SHISA6: variants seen among roughly 807,000 people sequenced by gnomAD.
The protein encoded by SHISA6 is protein shisa-6.
Under a neutral mutation model 47.9 loss-of-function variants are expected in SHISA6, and 22 were observed. That is an observed-to-expected ratio of 0.46 (90% CI 0.33 to 0.66). SHISA6 has a LOEUF of 0.66. SHISA6 is among the 30% of genes least tolerant of loss of function. The probability of loss-of-function intolerance (pLI) is 0.02; values close to 1 mark genes in which losing one functional copy is unlikely to be tolerated. For synonymous variants in SHISA6, 388 were observed against 337.8 expected (o/e 1.15, Z -1.63); for missense variants, 680 against 764.6 (o/e 0.89, Z 1.30).
intron 4 of SHISA6, among the ~76,000 whole-genome samples, chr17:11,553,752 G>A (rs1378663955): frequency 2.0e-5 from 3 of 152,150 alleles, no homozygotes; most frequent in Admixed American, 6.5e-5. Flanking sequence ...CAAGGAGATT[G>A]CAATATTTGG....
chr17:11,351,475 C>G (rs919948077), intron 2 of SHISA6, among the ~76,000 whole-genome samples: 2 of 152,108 alleles, frequency 1.3e-5, no homozygotes, highest in Non-Finnish European at 2.9e-5. Context: ...AGTAAAAATT[C>G]TACTCATCTT....
Position 11,550,556 on chromosome 17 carries a change from C to T in SHISA6, c.896-1340C>T, listed in dbSNP as rs553866394. ...ACAGGGAAGAGGACTTTGGGATACA[C>T]TGGATATGGAGAATGACAGGAGGAA... On this transcript the variant is annotated intron_variant, in intron 3 of 5. Transcript: ENST00000441885. Among the ~76,000 whole-genome samples the T allele has an allele frequency of 5.3e-5, 8 of 152,260 alleles. 1 individual carries two copies. The Middle Eastern group carries it at 0.02, about 388-fold the overall frequency.
chr17:11,334,892 C>T (rs755239527), intron 2 of SHISA6, among the ~76,000 whole-genome samples: 2 of 152,202 alleles, frequency 1.3e-5, no homozygotes, highest in Non-Finnish European at 2.9e-5. Context: ...TATAGGGCCA[C>T]CCATTCCCAT....
intron 3 of SHISA6, among the ~76,000 whole-genome samples, chr17:11,453,659 T>C (rs1263494275): frequency 6.6e-6 from 1 of 152,248 alleles, no homozygotes; most frequent in Non-Finnish European, 1.5e-5. Context: ...TGAAATTTAT[T>C]TTTAAACTTA....
intron 2 of SHISA6, among the ~76,000 whole-genome samples, chr17:11,332,204 G>A (rs111457947): frequency 3.3e-5 from 5 of 150,792 alleles, no homozygotes; most frequent in African/African-American, 7.3e-5. Flanking sequence ...AATGTTACCC[G>A]TCTCATTGGC....
chr17:11,317,044 T>A (rs1910548712), intron 2 of SHISA6, among the ~76,000 whole-genome samples: 1 of 152,146 alleles, frequency 6.6e-6, no homozygotes. Context: ...CTTATTGATA[T>A]TTTTTTCTGG....
intron 2 of SHISA6, among the ~76,000 whole-genome samples, chr17:11,315,438 T>A (rs528709921): frequency 1.1e-3 from 175 of 152,254 alleles, no homozygotes; most frequent in Middle Eastern, 3.4e-3. Context: ...TTTTTTCTTA[T>A]TACATTGATT....
rs145922417 is a variant in SHISA6 at position 11,356,279 on chromosome 17, G to A, written c.800-23135G>A. Among the ~76,000 whole-genome samples, 20 of 152,292 alleles carry A rather than the reference G, an allele frequency of 1.3e-4. 1 individual carries two copies. In the East Asian group the frequency reaches 3.9e-3, roughly 29 times the overall value. The stretch of plus-strand genomic sequence containing the variant: ...ATCCACAAAGCATAAGTTAGAAGCA[G>A]CATGCAGGCTGCCCAAACCCTGGCT... On this transcript the variant is annotated intron_variant, in intron 2 of 5. Coordinates refer to ENST00000441885, the MANE Select transcript of SHISA6 (RefSeq NM_207386.4).
chr17:11,534,846 C>T (rs1247934947), intron 3 of SHISA6, among the ~76,000 whole-genome samples: 2 of 151,916 alleles, frequency 1.3e-5, no homozygotes, highest in South Asian at 2.1e-4. Context: ...AGGAAGGCTA[C>T]GGGCCAGGAG....
chr17:11,315,962 G>A (rs892859770), intron 2 of SHISA6, among the ~76,000 whole-genome samples: 43 of 152,162 alleles, frequency 2.8e-4, no homozygotes, highest in Middle Eastern at 3.4e-3. Flanking sequence ...AATAACAAAA[G>A]TGATATATAT....
chr17:11,516,416 A>G lies in SHISA6; in HGVS notation c.896-35480A>G, dbSNP rs1055105882. ...TTGACAACACACCTAACTTCCTTCA[A>G]CCTTGGTGAGCTCATTCACAGGGGC... On this transcript the variant is annotated intron_variant, in intron 3 of 5. Transcript: ENST00000441885. 2.0e-5 allele frequency among the ~76,000 whole-genome samples: 3 copies of G among 152,104 alleles called. No individual in the cohort carries two copies. The South Asian group carries it at 6.2e-4, about 32-fold the overall frequency.
chr17:11,494,032 C>CT (rs373269725), intron 3 of SHISA6, among the ~76,000 whole-genome samples: 3 of 152,060 alleles, frequency 2.0e-5, no homozygotes, highest in African/African-American at 7.2e-5. Context: ...AAGTCAGGCT[C>CT]TGCAAGCATA....
Position 11,412,901 on chromosome 17 carries a change from A to G in SHISA6, c.895+33392A>G, listed in dbSNP as rs551689052. 2.6e-5 allele frequency among the ~76,000 whole-genome samples: 4 copies of G among 152,244 alleles called. No homozygotes were observed. The South Asian group carries it at 8.3e-4, about 32-fold the overall frequency. Reference sequence around the variant, plus strand: ...TAGAAAGTAGGGCTGTGGCCAGGGCATGCATGCAATAAGTAGGTAGATTAT... The same window carrying G: ...TAGAAAGTAGGGCTGTGGCCAGGGCGTGCATGCAATAAGTAGGTAGATTAT... On this transcript the variant is annotated intron_variant, in intron 3 of 5. Coordinates refer to ENST00000441885, the MANE Select transcript of SHISA6 (RefSeq NM_207386.4).
At chr17:11,338,673 C>G (rs1451524948) in intron 2 of SHISA6, among the ~76,000 whole-genome samples, 1 of 152,036 alleles carries the variant, frequency 6.6e-6, no homozygotes, top group Non-Finnish European at 1.5e-5. Context: ...TCCTCAGCCT[C>G]CCAAAGTGCT....
At chr17:11,456,249 G>GAT (rs1414204308) in intron 3 of SHISA6, among the ~76,000 whole-genome samples, 3 of 152,166 alleles carry the variant, frequency 2.0e-5, no homozygotes, top group Non-Finnish European at 4.4e-5. Context: ...TCTGTTACTT[G>GAT]ATATGGATGG....
chr17:11,355,219 C>T (rs368396647), intron 2 of SHISA6, among the ~76,000 whole-genome samples: 4 of 152,320 alleles, frequency 2.6e-5, no homozygotes, highest in South Asian at 2.1e-4. Context: ...TCCTCAGCCC[C>T]GAAGTAACTG....
intron 2 of SHISA6, among the ~76,000 whole-genome samples, chr17:11,291,880 C>T (rs1281391717): frequency 2.6e-5 from 4 of 152,056 alleles, no homozygotes; most frequent in Non-Finnish European, 5.9e-5. Context: ...ATCCGAGGTC[C>T]TCATTTTAAA....
At chr17:11,262,516 C>T (rs776439069) in intron 1 of SHISA6, among the ~76,000 whole-genome samples, 25 of 152,170 alleles carry the variant, frequency 1.6e-4, no homozygotes, top group Non-Finnish European at 3.2e-4. Context: ...AATAGGAGAG[C>T]GATTCCCCCT....
intron 3 of SHISA6, among the ~76,000 whole-genome samples, chr17:11,388,790 T>TTATATATATATATATA (rs56048344): frequency 6.0e-5 from 3 of 50,014 alleles, no homozygotes; most frequent in African/African-American, 1.4e-4. Flanking sequence ...AAACAAAAGT[T>TTATATATATATATATA]TATATATATA....
Sources: gnomAD v4.1 joint callset for allele counts (sites outside exome capture counted in the v4.1 genomes callset) on GRCh38, gnomAD v4.1.1 for gene constraint, MANE v1.5 for transcripts, NCBI Gene and HGNC (gene_info 2026-07-23, HGNC 2026-07-21) for gene names.